EFCAB6: variants seen among roughly 807,000 people sequenced by gnomAD.
The protein encoded by EFCAB6 is EF-hand calcium-binding domain-containing protein 6.
Under a neutral mutation model 169.8 loss-of-function variants are expected in EFCAB6, and 156 were observed. The observed-to-expected ratio is 0.92, with a 90% CI of 0.81 to 1.05. The LOEUF (loss-of-function observed/expected upper bound fraction) is 1.05, where lower values mean the gene tolerates loss of function less well. EFCAB6 is among the 50% of genes least tolerant of loss of function. The probability of loss-of-function intolerance (pLI) is 0.00; values close to 1 mark genes in which losing one functional copy is unlikely to be tolerated. For missense variants in EFCAB6, 1,800 were observed against 1,829.1 expected, an observed-to-expected ratio of 0.98 and a Z score of 0.29; for synonymous variants, 698 against 676.4, an observed-to-expected ratio of 1.03 and a Z score of -0.50.
At chr22:43,644,617 T>C (rs933137970) in intron 17 of EFCAB6, among the ~76,000 whole-genome samples, 3 of 152,238 alleles carry the variant, frequency 2.0e-5, no homozygotes, top group African/African-American at 7.2e-5. Flanking sequence ...CACAGACTGA[T>C]GGTTTGCTAA....
Position 43,580,494 on chromosome 22 carries a change from T to C in EFCAB6, c.3198A>G (p.Val1066=). The C allele has an allele frequency of 6.2e-7, 1 of 1,614,158 alleles. No homozygotes were observed. Among genetic ancestry groups the C allele is most frequent in the Non-Finnish European group, 8.5e-7 (1 of 1,180,024 alleles). The change falls in exon 25 of 32, where the codon GTA becomes GTG. Residue 1066 remains valine, a synonymous_variant. Coordinates refer to ENST00000262726, the MANE Select transcript of EFCAB6 (RefSeq NM_022785.4). ...ACAAAGCCAGCTGGGAGGACTCAAC[T>C]ACTTCCTGGATCTTCCTCACAGCCT... ...PQEAVRKIQE[V]VESSQLALST... is the part of the protein sequence containing the mutation.
At chr22:43,715,566 T>C (rs1330844617) in intron 9 of EFCAB6, among the ~76,000 whole-genome samples, 1 of 152,200 alleles carries the variant, frequency 6.6e-6, no homozygotes, top group Non-Finnish European at 1.5e-5. Context: ...TATGATCCTC[T>C]TCTTATAAAA....
rs1169800787 is a variant in EFCAB6 at position 43,711,524 on chromosome 22, T to C, written c.982A>G (p.Thr328Ala). The change falls in exon 10 of 32, where the codon ACT (threonine) becomes GCT (alanine). Residue 328 changes from threonine (T) to alanine (A), a missense_variant. Transcript: ENST00000262726. Reference sequence around the variant, plus strand: ...CTTCTTGGTATTTGGTATACAAAAGTGTCGAGGACAATCTTTAGATAATTA... The same window carrying C: ...CTTCTTGGTATTTGGTATACAAAAGCGTCGAGGACAATCTTTAGATAATTA... The part of the protein sequence containing the change: ...SFNYLKIVLD[T>A]FVYQIPRRIF... 3 of 1,604,758 alleles carry C rather than the reference T, an allele frequency of 1.9e-6. No individual in the cohort carries two copies. The highest frequency in any genetic ancestry group is 2.5e-6 in the Non-Finnish European group (3 of 1,177,900).
At chr22:43,800,665 A>G (rs1331562253) in intron 2 of EFCAB6, among the ~76,000 whole-genome samples, 10 of 152,244 alleles carry the variant, frequency 6.6e-5, no homozygotes, top group Non-Finnish European at 1.5e-5. Context: ...AAATCTTGGA[A>G]CTGAGAAATA....
intron 6 of EFCAB6, among the ~76,000 whole-genome samples, chr22:43,755,430 G>A (rs897317725): frequency 2.0e-5 from 3 of 152,222 alleles, no homozygotes; most frequent in African/African-American, 4.8e-5. Context: ...CAAAGCAGTC[G>A]TTTTCCCTTT....
chr22:43,705,833 GA>G (rs2058938368), intron 10 of EFCAB6, among the ~76,000 whole-genome samples: 1 of 151,586 alleles, frequency 6.6e-6, no homozygotes, highest in Non-Finnish European at 1.5e-5. Flanking sequence ...CAAGGAAATA[GA>G]AAAAAAGAGC....
intron 21 of EFCAB6, among the ~76,000 whole-genome samples, chr22:43,612,957 C>T (rs2147679443): frequency 6.7e-6 from 1 of 149,870 alleles, no homozygotes; most frequent in African/African-American, 2.4e-5. Flanking sequence ...AAAGGGAACG[C>T]TTATATACTG....
At chr22:43,799,346 C>CACACAT (rs1556421981) in intron 2 of EFCAB6, among the ~76,000 whole-genome samples, 1 of 151,796 alleles carries the variant, frequency 6.6e-6, no homozygotes, top group African/African-American at 2.4e-5. Flanking sequence ...CACACACACA[C>CACACAT]ACACACACAC....
intron 11 of EFCAB6, among the ~76,000 whole-genome samples, chr22:43,687,106 C>T (rs1055306086): frequency 6.6e-6 from 1 of 152,240 alleles, no homozygotes; most frequent in African/African-American, 2.4e-5. Context: ...CGTTTACCTA[C>T]AATGTTACAA....
At chr22:43,536,126 G>C (rs1306736873) in intron 29 of EFCAB6, 1 of 152,060 alleles carries the variant, frequency 6.6e-6, no homozygotes, top group Non-Finnish European at 1.5e-5. Flanking sequence ...AAAAGAAAAA[G>C]CCAGCAGTAG....
chr22:43,762,121 A>C (rs1459812870), intron 5 of EFCAB6, among the ~76,000 whole-genome samples: 2 of 152,244 alleles, frequency 1.3e-5, no homozygotes, highest in Admixed American at 6.5e-5. Flanking sequence ...ACCACATAGC[A>C]TGAATTCAAG....
At chr22:43,582,064 A>T (rs1346960081) in intron 24 of EFCAB6, among the ~76,000 whole-genome samples, 1 of 152,210 alleles carries the variant, frequency 6.6e-6, no homozygotes, top group Non-Finnish European at 1.5e-5. Flanking sequence ...TAAGGTTTCA[A>T]TACATAAAAA....
At chr22:43,591,116 T>G (rs1183635644) in intron 23 of EFCAB6, among the ~76,000 whole-genome samples, 5 of 127,562 alleles carry the variant, frequency 3.9e-5, no homozygotes, top group East Asian at 2.1e-4. Context: ...TTTTTGTTTT[T>G]TTTTTTTGTT....
At chr22:43,731,862 G>T in intron 7 of EFCAB6, 51 bp from the exon 8 acceptor site, 3 of 1,223,866 alleles carry the variant, frequency 2.5e-6, no homozygotes, top group East Asian at 2.7e-5. Context: ...CTAAAATGAA[G>T]CAAGTTTGTT....
At chr22:43,691,520 G>A (rs1245927048) in intron 10 of EFCAB6, among the ~76,000 whole-genome samples, 2 of 152,038 alleles carry the variant, frequency 1.3e-5, no homozygotes, top group African/African-American at 4.8e-5. Flanking sequence ...ATCTAGGCAT[G>A]CGCTTATCTG....
At chr22:43,594,867 ACAT>A (rs2051875835) in intron 23 of EFCAB6, among the ~76,000 whole-genome samples, 1 of 152,220 alleles carries the variant, frequency 6.6e-6, no homozygotes, top group South Asian at 2.1e-4. Flanking sequence ...TCTCCAGGAT[ACAT>A]CATATGTGGC....
chr22:43,759,961 T>C (rs1035319299), intron 5 of EFCAB6: 3 of 152,166 alleles, frequency 2.0e-5, no homozygotes, highest in African/African-American at 4.8e-5. Flanking sequence ...TCCCAGCACT[T>C]TGGGAGGCTG....
At chr22:43,530,225 A>G (rs562777258) in intron 31 of EFCAB6, among the ~76,000 whole-genome samples, 1 of 152,346 alleles carries the variant, frequency 6.6e-6, no homozygotes, top group South Asian at 2.1e-4. Context: ...CTTTCTTTGC[A>G]TGAGGGATAG....
chr22:43,657,791 A>G (rs2056819333), intron 17 of EFCAB6, among the ~76,000 whole-genome samples: 1 of 152,242 alleles, frequency 6.6e-6, no homozygotes, highest in Non-Finnish European at 1.5e-5. Flanking sequence ...ACAACAGAAA[A>G]AAATGACAAC....
Sources: allele counts gnomAD v4.1 joint callset (sites outside exome capture counted in the v4.1 genomes callset), GRCh38; gene constraint gnomAD v4.1.1; transcripts MANE v1.5; gene names NCBI Gene and HGNC (gene_info 2026-07-23, HGNC 2026-07-21).